CDK5RAP2: variants seen among roughly 807,000 people sequenced by gnomAD.
The protein encoded by CDK5RAP2 is CDK5 regulatory subunit-associated protein 2.
CDK5RAP2 carries 147 observed loss-of-function variants against 232.9 expected under a neutral mutation model. That is an observed-to-expected ratio of 0.63 (90% confidence interval 0.55 to 0.72). The LOEUF (loss-of-function observed/expected upper bound fraction) is 0.72, where lower values mean the gene tolerates loss of function less well. Ranked by LOEUF, CDK5RAP2 falls within the 30% of genes least tolerant of loss-of-function variation. CDK5RAP2 has a pLI of 0.00. For synonymous variants in CDK5RAP2, 833 were observed against 833.7 expected, an observed-to-expected ratio of 1.00 and a Z score of 0.01; for missense variants, 2,195 against 2,231.5, an observed-to-expected ratio of 0.98 and a Z score of 0.33.
intron 12 of CDK5RAP2, among the ~76,000 whole-genome samples, chr9:120,514,623 T>C (rs1025252530): frequency 1.3e-5 from 2 of 152,214 alleles, no homozygotes; most frequent in African/African-American, 4.8e-5. Context: ...AGTCTGCTCC[T>C]GGTAGTGTTC....
chr9:120,577,816 A>T (rs183436725), intron 1 of CDK5RAP2, among the ~76,000 whole-genome samples: 1 of 152,304 alleles, frequency 6.6e-6, no homozygotes, highest in Non-Finnish European at 1.5e-5. Context: ...TGGGATTAAA[A>T]CCCAGCTAGG....
At chr9:120,470,269 A>G (rs1298779522) in intron 16 of CDK5RAP2, 49 bp from the exon 17 acceptor site, 2 of 901,368 alleles carry the variant, frequency 2.2e-6, no homozygotes, top group East Asian at 2.6e-5. Flanking sequence ...GAGAAAAAGA[A>G]TATCAGAAAC....
intron 27 of CDK5RAP2, among the ~76,000 whole-genome samples, chr9:120,416,796 ATGTT>A (rs776153540): frequency 6.6e-6 from 1 of 152,202 alleles, no homozygotes; most frequent in Non-Finnish European, 1.5e-5. Flanking sequence ...TATCTTAGTA[ATGTT>A]TGTTTTAAAA....
At chr9:120,434,197 G>A (rs1009419361) in intron 25 of CDK5RAP2, among the ~76,000 whole-genome samples, 6 of 152,178 alleles carry the variant, frequency 3.9e-5, no homozygotes, top group East Asian at 1.9e-4. Flanking sequence ...AGAGCACCTC[G>A]TTAATATGAT....
rs139754298 is a variant in CDK5RAP2 at position 120,408,807 on chromosome 9, A to G, written c.4604+320T>C. ...CCACTTTGCCTCAGGGCCTGCGCCC[A>G]TTCTGCCTGAAATGATCTTTCCCAG... is the stretch of plus-strand genomic sequence containing the variant. On this transcript the variant is annotated intron_variant, in intron 30 of 37. Coordinates refer to ENST00000349780, the MANE Select transcript of CDK5RAP2 (RefSeq NM_018249.6). Among the ~76,000 whole-genome samples the G allele has an allele frequency of 1.6e-4, 24 of 152,334 alleles. No homozygotes were observed. In the East Asian group the frequency reaches 4.6e-3, roughly 29 times the overall value.
At chr9:120,578,588 A>ATTATTT in intron 1 of CDK5RAP2, among the ~76,000 whole-genome samples, 1 of 145,170 alleles carries the variant, frequency 6.9e-6, no homozygotes. Context: ...TTTTTTAAAG[A>ATTATTT]TAGAGTCTCA....
intron 23 of CDK5RAP2, among the ~76,000 whole-genome samples, chr9:120,440,913 A>G (rs2035861385): frequency 6.6e-6 from 1 of 152,206 alleles, no homozygotes; most frequent in South Asian, 2.1e-4. Flanking sequence ...CATCCCCTTT[A>G]GTGAGGTGTT....
chr9:120,391,260 G>T (rs2031942971), intron 36 of CDK5RAP2, among the ~76,000 whole-genome samples: 1 of 152,122 alleles, frequency 6.6e-6, no homozygotes, highest in Non-Finnish European at 1.5e-5. Flanking sequence ...AAGAACTAAG[G>T]ATCACTTGGC....
intron 3 of CDK5RAP2, among the ~76,000 whole-genome samples, chr9:120,552,220 T>C (rs1383848388): frequency 6.6e-6 from 1 of 151,660 alleles, no homozygotes; most frequent in Non-Finnish European, 1.5e-5. Flanking sequence ...TGTGGAGAAA[T>C]AGGAACACTT....
intron 12 of CDK5RAP2, among the ~76,000 whole-genome samples, chr9:120,499,691 AG>A (rs1223038470): frequency 7.2e-5 from 11 of 152,218 alleles, no homozygotes; most frequent in African/African-American, 2.2e-4. Context: ...AAGGAAAGAA[AG>A]GGTTTTTTAT....
At chr9:120,421,607 C>A (rs956151394) in intron 26 of CDK5RAP2, among the ~76,000 whole-genome samples, 1 of 152,170 alleles carries the variant, frequency 6.6e-6, no homozygotes, top group African/African-American at 2.4e-5. Context: ...GAGGAAAGTA[C>A]ACAGCAACAA....
intron 13 of CDK5RAP2, among the ~76,000 whole-genome samples, chr9:120,490,238 G>A (rs145688749): frequency 0.011 from 1,667 of 152,320 alleles, 29 homozygotes; most frequent in African/African-American, 0.037. Context: ...AGTGAGGTGC[G>A]CAGGTAGAGG....
chr9:120,523,508 G>A (rs1193194291), intron 11 of CDK5RAP2, among the ~76,000 whole-genome samples: 1 of 152,200 alleles, frequency 6.6e-6, no homozygotes, highest in Non-Finnish European at 1.5e-5. Flanking sequence ...GCAAGTCTGA[G>A]ATTCCAAAAG....
chr9:120,528,915 C>A, intron 8 of CDK5RAP2, 118 bp from the exon 9 acceptor site: 1 of 750,708 alleles, frequency 1.3e-6, no homozygotes, highest in Non-Finnish European at 2.4e-6. Flanking sequence ...CTGTGGAACT[C>A]GTTAAAACAA....
At position 120,518,434 on chromosome 9, in the gene CDK5RAP2, G is replaced by GT. The variant is rs1169766212; in HGVS notation, c.1303dup (p.Thr435AsnfsTer4). On this transcript the variant is annotated frameshift_variant, in exon 12 of 38. Coordinates refer to ENST00000349780, the MANE Select transcript of CDK5RAP2 (RefSeq NM_018249.6). LOFTEE classifies it high-confidence loss of function. ...GGGCAGGGCGGTACTCACACGGATG[G>GT]TGCAGTCTCCTTTGCTCTTCTCTCG... is the stretch of plus-strand genomic sequence containing the variant. The GT allele has an allele frequency of 6.2e-7, 1 of 1,613,198 alleles. No individual in the cohort carries two copies. The highest frequency in any genetic ancestry group is 1.7e-5 in the Admixed American group (1 of 59,986).
rs772145916 is a variant in CDK5RAP2 at position 120,518,543 on chromosome 9, T to G, written c.1195A>C (p.Arg399=). 1 of 1,613,744 alleles carries G rather than the reference T, an allele frequency of 6.2e-7. No individual in the cohort carries two copies. Among genetic ancestry groups the G allele is most frequent in the African/African-American group, 1.3e-5 (1 of 74,844 alleles). Residue 399 remains arginine, a synonymous_variant, in exon 12 of 38, where the codon AGA becomes CGA. Transcript: ENST00000349780. The part of the protein sequence containing the change: ...TKSTENHRLR[R]SIKKITQELS... ...TCCTGGGTGATCTTCTTAATGCTTC[T>G]ACGCAGTCTGTGGTTCTCTGTACTC...
At position 120,415,140 on chromosome 9, in the gene CDK5RAP2, TATG is replaced by T. The variant is rs1249904391; in HGVS notation, c.4194_4196del (p.His1398_Ile1399delinsGln). On this transcript the variant is annotated inframe_deletion, in exon 28 of 38. Coordinates refer to ENST00000349780, the MANE Select transcript of CDK5RAP2 (RefSeq NM_018249.6). ...GCTTTCTCAAAGTTCGAATTTCCTG[TATG>T]TGTTCCATTAGTAAGTCTACAGGAA... 2.5e-6 allele frequency: 4 copies of T among 1,614,062 alleles called. No homozygotes were observed. The African/African-American group carries it at 5.3e-5, about 22-fold the overall frequency.
At chr9:120,493,370 T>C (rs566412931) in intron 12 of CDK5RAP2, among the ~76,000 whole-genome samples, 6 of 152,356 alleles carry the variant, frequency 3.9e-5, no homozygotes, top group African/African-American at 1.2e-4. Flanking sequence ...TCTAGGGAAC[T>C]TGTTTTCACT....
rs537162597 is a variant in CDK5RAP2 at position 120,436,078 on chromosome 9, A to G, written c.3955+1217T>C. 8.5e-5 allele frequency among the ~76,000 whole-genome samples: 13 copies of G among 152,376 alleles called. No individual in the cohort carries two copies. In the East Asian group the frequency reaches 1.7e-3, roughly 20 times the overall value. ...CATTACACAGGTTAATATAATTTAC[A>G]CTGGAGAAAACTGACAGACATTACC... On this transcript the variant is annotated intron_variant, in intron 25 of 37. Coordinates refer to ENST00000349780, the MANE Select transcript of CDK5RAP2 (RefSeq NM_018249.6).
Sources: gnomAD v4.1 joint callset for allele counts (sites outside exome capture counted in the v4.1 genomes callset) on GRCh38, gnomAD v4.1.1 for gene constraint, MANE v1.5 for transcripts, NCBI Gene and HGNC (gene_info 2026-07-23, HGNC 2026-07-21) for gene names.